The following HMCN1 variants were observed in gnomAD, a reference collection of about 807,000 sequenced individuals.
The protein encoded by HMCN1 is hemicentin-1.
Under a neutral mutation model 625.9 loss-of-function variants are expected in HMCN1, and 321 were observed. The ratio of observed to expected loss-of-function variants is 0.51; its 90% CI spans 0.47 to 0.56. HMCN1 has a LOEUF of 0.56. Ranked by LOEUF, HMCN1 falls within the 20% of genes least tolerant of loss-of-function variation. HMCN1 has a pLI of 0.00. For missense variants in HMCN1, 6,588 were observed against 6,887.3 expected, an observed-to-expected ratio of 0.96 and a Z score of 1.54; for synonymous variants, 2,425 against 2,417.6, an observed-to-expected ratio of 1.00 and a Z score of -0.09.
chr1:186,104,181 C>G (rs1402578166), intron 69 of HMCN1, among the ~76,000 whole-genome samples: 1 of 152,144 alleles, frequency 6.6e-6, no homozygotes, highest in East Asian at 1.9e-4. Context: ...TCTGGGATGT[C>G]TTATTGTAGC....
rs1156776592 is a variant in HMCN1, at chr1:186,001,296, A to C, written c.4070-2A>C. On this transcript the variant is annotated splice_acceptor_variant, in intron 26 of 106. Coordinates refer to ENST00000271588, the MANE Select transcript of HMCN1 (RefSeq NM_031935.3). LOFTEE classifies it high-confidence loss of function. The stretch of plus-strand genomic sequence containing the variant: ...CTAGCTATGACTCCTCTCTTTTTGC[A>C]GTTCCTCCAGTAATTAAAGATAAAG... The C allele has an allele frequency of 1.2e-6, 2 of 1,610,170 alleles. No homozygotes were observed. Among genetic ancestry groups the C allele is most frequent in the African/African-American group, 1.3e-5 (1 of 74,902 alleles).
chr1:186,098,164 A>C (rs1853249), intron 68 of HMCN1, among the ~76,000 whole-genome samples: 95,610 of 151,830 alleles, frequency 0.63, 32,160 homozygotes, highest in African/African-American at 0.88. Context: ...CTGGATAAGA[A>C]CTCAAAAGCA....
At chr1:185,779,790 A>T (rs1656922024) in intron 1 of HMCN1, among the ~76,000 whole-genome samples, 1 of 152,190 alleles carries the variant, frequency 6.6e-6, no homozygotes, top group Non-Finnish European at 1.5e-5. Context: ...TGATGCCTCC[A>T]GCTTTGTTCT....
chr1:186,011,035 T>TC (rs1470424729), intron 30 of HMCN1, among the ~76,000 whole-genome samples: 1 of 60 alleles, frequency 0.017, no homozygotes, highest in Non-Finnish European at 0.023. Context: ...CTGCTACTGG[T>TC]TTTTTTTGTT....
chr1:186,009,037 A>G (rs1050789973), intron 30 of HMCN1, among the ~76,000 whole-genome samples: 3 of 152,220 alleles, frequency 2.0e-5, no homozygotes, highest in Non-Finnish European at 4.4e-5. Context: ...AAAGAATAAC[A>G]TTGCTGAAAG....
chr1:186,136,705 T>C lies in HMCN1; in HGVS notation c.13350T>C (p.Val4450=), dbSNP rs1375049802. 6.2e-7 allele frequency: 1 copy of C among 1,613,908 alleles called. No individual in the cohort carries two copies. Among genetic ancestry groups the C allele is most frequent in the Non-Finnish European group, 8.5e-7 (1 of 1,179,922 alleles). The change falls in exon 87 of 107, where the codon GTT becomes GTC. Residue 4450 remains valine, a synonymous_variant. Coordinates refer to ENST00000271588, the MANE Select transcript of HMCN1 (RefSeq NM_031935.3). ...TCACTCTTGAGCCAGTGGAAACTGT[T>C]ATTAATGCTGGTGGCAAAATCATAT... ...PIITLEPVET[V]INAGGKIILN... is the part of the protein sequence containing the mutation.
rs1268553642 is a variant in HMCN1, at chr1:186,137,626, T to G, written c.13711T>G (p.Ser4571Ala). Residue 4571 changes from serine to alanine, a missense_variant, in exon 88 of 107, where the codon TCA (serine) becomes GCA (alanine). Transcript: ENST00000271588. Reference protein sequence around the residue: ...PANGGKPCQGSDLEMRNCQNK... With the variant: ...PANGGKPCQGADLEMRNCQNK... ...CAATGGTGGGAAGCCCTGCCAAGGT[T>G]CAGATTTGGAAATGCGAAACTGTCA... The G allele has an allele frequency of 1.2e-6, 2 of 1,613,896 alleles. No homozygotes were observed. The highest frequency in any genetic ancestry group is 4.5e-5 in the East Asian group (2 of 44,890).
At chr1:185,890,303 A>C (rs182759639) in intron 4 of HMCN1, among the ~76,000 whole-genome samples, 1 of 147,532 alleles carries the variant, frequency 6.8e-6, no homozygotes, top group African/African-American at 2.7e-5. Flanking sequence ...TTTGTGTCTC[A>C]ATTTCCTTCA....
At chr1:185,799,795 G>A (rs776945069) in intron 1 of HMCN1, among the ~76,000 whole-genome samples, 1 of 152,174 alleles carries the variant, frequency 6.6e-6, no homozygotes, top group Non-Finnish European at 1.5e-5. Context: ...AAGAGAGACA[G>A]CTGTGGTAGT....
At chr1:185,893,015 C>T (rs985705596) in intron 4 of HMCN1, among the ~76,000 whole-genome samples, 9 of 152,148 alleles carry the variant, frequency 5.9e-5, no homozygotes, top group South Asian at 2.1e-4. Context: ...TCTCGTGGTG[C>T]GCCGTTTTTT....
At chr1:186,066,412 C>T (rs769570405) in intron 49 of HMCN1, among the ~76,000 whole-genome samples, 9 of 152,060 alleles carry the variant, frequency 5.9e-5, no homozygotes, top group Non-Finnish European at 8.8e-5. Context: ...CCAATCTACC[C>T]GGCCAAAAGT....
Position 186,055,629 on chromosome 1 carries a change from A to T in HMCN1, c.7099A>T (p.Asn2367Tyr). The change falls in exon 45 of 107, where the codon AAT becomes TAT. Residue 2367 changes from asparagine to tyrosine, a missense_variant. Physicochemically the swap from Asn to Tyr is moderately radical, Grantham distance 143. This residue lies in a region of HMCN1 where 4,628 missense variants were observed against 4,853.1 expected (regional missense o/e 0.95). Coordinates refer to ENST00000271588, the MANE Select transcript of HMCN1 (RefSeq NM_031935.3). The stretch of plus-strand genomic sequence containing the variant: ...AGGCCGTTATGTGTGTGTTGCTGTG[A>T]ATGTAGCAGGAATGACTGACAAAAA... ...DTGRYVCVAVNVAGMTDKKYD... is the reference protein window; with the variant it reads ...DTGRYVCVAVYVAGMTDKKYD... 1 of 1,612,762 alleles carries T rather than the reference A, an allele frequency of 6.2e-7. No homozygotes were observed. Among genetic ancestry groups the T allele is most frequent in the Non-Finnish European group, 8.5e-7 (1 of 1,179,110 alleles).
At chr1:185,827,111 G>T (rs1306021784) in intron 1 of HMCN1, among the ~76,000 whole-genome samples, 7 of 148,710 alleles carry the variant, frequency 4.7e-5, no homozygotes, top group East Asian at 2.0e-4. Flanking sequence ...GGCAGAGCTT[G>T]CAGTGAGCCG....
At chr1:185,921,356 T>G (rs1666997225) in intron 6 of HMCN1, among the ~76,000 whole-genome samples, 1 of 152,168 alleles carries the variant, frequency 6.6e-6, no homozygotes, top group Non-Finnish European at 1.5e-5. Context: ...TTCTCTTCCT[T>G]CTTCTCCACA....
At chr1:185,813,914 G>A (rs1659684478) in intron 1 of HMCN1, among the ~76,000 whole-genome samples, 1 of 152,110 alleles carries the variant, frequency 6.6e-6, no homozygotes. Flanking sequence ...CTTGGAGAAA[G>A]AGTGAAAAAA....
intron 36 of HMCN1, among the ~76,000 whole-genome samples, chr1:186,033,607 TA>T (rs112962287): frequency 1.3e-5 from 2 of 151,548 alleles, no homozygotes; most frequent in African/African-American, 2.4e-5. Context: ...TATTTTTTAT[TA>T]AAAAAAATTT....
intron 2 of HMCN1, among the ~76,000 whole-genome samples, chr1:185,853,206 AT>A (rs1000181741): frequency 1.3e-5 from 2 of 152,150 alleles, no homozygotes; most frequent in African/African-American, 4.8e-5. Context: ...AAATGAATTT[AT>A]TTCTCAAATA....
chr1:185,891,508 C>T (rs375100498), intron 4 of HMCN1, among the ~76,000 whole-genome samples: 1 of 146,938 alleles, frequency 6.8e-6, no homozygotes, highest in Non-Finnish European at 1.5e-5. Context: ...CAGGCCTGGT[C>T]GTGACAAAAT....
rs544349740 is a variant in HMCN1 at position 185,824,193 on chromosome 1, A to C, written c.269-21833A>C. 2.6e-5 allele frequency among the ~76,000 whole-genome samples: 4 copies of C among 152,304 alleles called. No individual in the cohort carries two copies. The East Asian group carries it at 7.7e-4, about 29-fold the overall frequency. ...GTCTCTTCTAAAGATGAGGAATCTG[A>C]GGCTAAAAGAGTTGCCCAAATGGTT... On this transcript the variant is annotated intron_variant, in intron 1 of 106. Transcript: ENST00000271588.
Sources: allele counts gnomAD v4.1 joint callset (sites outside exome capture counted in the v4.1 genomes callset), GRCh38; gene constraint gnomAD v4.1.1; regional missense constraint gnomAD v4.1.1; transcripts MANE v1.5; gene names NCBI Gene and HGNC (gene_info 2026-07-23, HGNC 2026-07-21).